The following MAP4K3 variants were observed in gnomAD, a reference collection of about 807,000 sequenced individuals.
MAP4K3 encodes MAPK/ERK kinase kinase kinase 3.
Under a neutral mutation model 143.5 loss-of-function variants are expected in MAP4K3, and 94 were observed. The ratio of observed to expected loss-of-function variants is 0.65; its 90% CI spans 0.55 to 0.78. The LOEUF (loss-of-function observed/expected upper bound fraction) is 0.78. MAP4K3 is among the 30% of genes least tolerant of loss of function. The pLI, the probability that MAP4K3 is intolerant of heterozygous loss-of-function variation, is 0.00. For synonymous variants in MAP4K3, 416 were observed against 347.2 expected (o/e 1.20, Z -2.20); for missense variants, 1,077 against 1,068.1 (o/e 1.01, Z -0.12).
chr2:39,318,234 G>A (rs1463798877), intron 12 of MAP4K3, among the ~76,000 whole-genome samples: 6 of 152,088 alleles, frequency 3.9e-5, no homozygotes, highest in African/African-American at 1.4e-4. Flanking sequence ...AATAGACATA[G>A]GGGCCAACTT....
chr2:39,276,656 T>C (rs1206693950), intron 24 of MAP4K3, among the ~76,000 whole-genome samples: 1 of 152,238 alleles, frequency 6.6e-6, no homozygotes, highest in Admixed American at 6.5e-5. Flanking sequence ...GAAGACTAAA[T>C]AATATATGTC....
chr2:39,423,358 C>T (rs1231037765), intron 1 of MAP4K3, among the ~76,000 whole-genome samples: 1 of 152,154 alleles, frequency 6.6e-6, no homozygotes, highest in Non-Finnish European at 1.5e-5. Flanking sequence ...GGCATTTTGG[C>T]AGTTTCTTAT....
intron 2 of MAP4K3, among the ~76,000 whole-genome samples, chr2:39,366,554 G>C (rs1665930374): frequency 6.6e-6 from 1 of 152,214 alleles, no homozygotes; most frequent in African/African-American, 2.4e-5. Context: ...TTCAGAAAGG[G>C]AAGAGGGCGT....
intron 1 of MAP4K3, among the ~76,000 whole-genome samples, chr2:39,424,961 T>C (rs1190466202): frequency 6.6e-6 from 1 of 151,730 alleles, no homozygotes; most frequent in African/African-American, 2.4e-5. Context: ...TGATTTGGGG[T>C]TCAAGTTTGT....
chr2:39,340,558 A>C (rs1321400721), intron 4 of MAP4K3, among the ~76,000 whole-genome samples: 1 of 152,240 alleles, frequency 6.6e-6, no homozygotes, highest in Non-Finnish European at 1.5e-5. Flanking sequence ...GGTAAGAATC[A>C]TGACAACCTA....
At chr2:39,396,286 C>A (rs939659295) in intron 1 of MAP4K3, among the ~76,000 whole-genome samples, 1 of 152,054 alleles carries the variant, frequency 6.6e-6, no homozygotes, top group Non-Finnish European at 1.5e-5. Flanking sequence ...AGTGATCCTC[C>A]CACCTCGACC....
At chr2:39,263,460 T>C (rs1250942738) in intron 28 of MAP4K3, among the ~76,000 whole-genome samples, 1 of 150,724 alleles carries the variant, frequency 6.6e-6, no homozygotes, top group East Asian at 2.0e-4. Context: ...TTTGTATTTT[T>C]AGTAGAGACG....
At chr2:39,314,569 T>C (rs1683051455) in intron 13 of MAP4K3, among the ~76,000 whole-genome samples, 1 of 152,210 alleles carries the variant, frequency 6.6e-6, no homozygotes, top group African/African-American at 2.4e-5. Flanking sequence ...GCTTTTTATA[T>C]AACCCACCAT....
chr2:39,379,375 A>G (rs180710203), intron 1 of MAP4K3, among the ~76,000 whole-genome samples: 2 of 152,260 alleles, frequency 1.3e-5, no homozygotes, highest in African/African-American at 2.4e-5. Flanking sequence ...CAAAATCCCC[A>G]TAACTAATAA....
chr2:39,288,087 T>C, intron 20 of MAP4K3, 34 bp downstream of exon 20: 3 of 1,610,854 alleles, frequency 1.9e-6, no homozygotes, highest in Non-Finnish European at 2.5e-6. Flanking sequence ...TATGAAAACC[T>C]GGTAACATAT....
intron 19 of MAP4K3, 37 bp from the exon 20 acceptor site, chr2:39,288,317 A>T (rs1302730284): frequency 1.3e-6 from 2 of 1,582,638 alleles, no homozygotes; most frequent in South Asian, 2.2e-5. Context: ...ACAATGAAAC[A>T]TCAAATTATT....
At chr2:39,370,879 T>C (rs961091103) in intron 2 of MAP4K3, among the ~76,000 whole-genome samples, 4 of 152,150 alleles carry the variant, frequency 2.6e-5, no homozygotes, top group Non-Finnish European at 5.9e-5. Flanking sequence ...TGACTTTAAA[T>C]CACAAAAAGA....
chr2:39,253,281 G>T (rs560988817), intron 32 of MAP4K3, among the ~76,000 whole-genome samples: 1 of 152,200 alleles, frequency 6.6e-6, no homozygotes, highest in Admixed American at 6.5e-5. Flanking sequence ...CTAGAGGCAC[G>T]CGCCACCACG....
rs570050982 is a variant in MAP4K3, at chr2:39,250,327, T to C, written c.*291A>G. The C allele has an allele frequency of 2.0e-4, 57 of 283,358 alleles. No individual in the cohort carries two copies. In the Admixed American group the frequency reaches 2.1e-3, roughly 10 times the overall value. The allele number at this position is 283,358 out of a possible 1,614,324, so 17.6% of individuals were successfully genotyped here. ...TTGTACATCTCATAAAAGTACATTA[T>C]CTACATAAATTCTTAGTGTATGTCT... is the stretch of plus-strand genomic sequence containing the variant. On this transcript the variant is annotated 3_prime_UTR_variant, in exon 34 of 34. Coordinates refer to ENST00000263881, the MANE Select transcript of MAP4K3 (RefSeq NM_003618.4).
chr2:39,342,723 C>T (rs143496958), intron 4 of MAP4K3, among the ~76,000 whole-genome samples: 2 of 152,032 alleles, frequency 1.3e-5, no homozygotes, highest in Non-Finnish European at 2.9e-5. Context: ...TGGCCCCACA[C>T]TAGAAAATAG....
At chr2:39,251,946 A>T in intron 32 of MAP4K3, 61 bp from the exon 33 acceptor site, 1 of 1,040,008 alleles carries the variant, frequency 9.6e-7, no homozygotes. Context: ...TTTAATGGGC[A>T]CTTCATTATA....
At chr2:39,270,085 T>C (rs1166596427) in intron 26 of MAP4K3, among the ~76,000 whole-genome samples, 3 of 152,214 alleles carry the variant, frequency 2.0e-5, no homozygotes, top group African/African-American at 7.2e-5. Flanking sequence ...ACTTGTGTCC[T>C]AGCTCCCAAA....
At chr2:39,306,789 A>C (rs1359664452) in intron 15 of MAP4K3, among the ~76,000 whole-genome samples, 1 of 152,182 alleles carries the variant, frequency 6.6e-6, no homozygotes, top group East Asian at 1.9e-4. Context: ...CAATGTTCCT[A>C]CACAATACTG....
At chr2:39,340,904 T>C in intron 4 of MAP4K3, among the ~76,000 whole-genome samples, 1 of 151,972 alleles carries the variant, frequency 6.6e-6, no homozygotes, top group Non-Finnish European at 1.5e-5. Context: ...TCCTGAAGGA[T>C]AAAAAACTGG....
Sources: gnomAD v4.1 joint callset for allele counts (sites outside exome capture counted in the v4.1 genomes callset) on GRCh38, gnomAD v4.1.1 for gene constraint, MANE v1.5 for transcripts, NCBI Gene and HGNC (gene_info 2026-07-23, HGNC 2026-07-21) for gene names.